The following CCDC102B variants were observed in gnomAD, a reference collection of about 807,000 sequenced individuals.
CCDC102B encodes the protein coiled-coil domain-containing protein 102B.
A neutral mutation model predicts 57.4 loss-of-function variants in CCDC102B; 75 were observed. The ratio of observed to expected loss-of-function variants is 1.31; its 90% confidence interval spans 1.08 to 1.58. The LOEUF (loss-of-function observed/expected upper bound fraction) is 1.58. Among genes scored for constraint, CCDC102B ranks in the 40% most tolerant of loss-of-function variants. CCDC102B has a pLI of 0.00. For synonymous variants in CCDC102B, 206 were observed against 201.9 expected, an observed-to-expected ratio of 1.02 and a Z score of -0.17; for missense variants, 636 against 582.6, an observed-to-expected ratio of 1.09 and a Z score of -0.94.
At chr18:68,865,575 A>G (rs1298877889) in intron 4 of CCDC102B, among the ~76,000 whole-genome samples, 1 of 152,174 alleles carries the variant, frequency 6.6e-6, no homozygotes, top group Non-Finnish European at 1.5e-5. Flanking sequence ...CTAAGGAAGT[A>G]CTTTGCAAGC....
intron 2 of CCDC102B, among the ~76,000 whole-genome samples, chr18:68,727,640 C>G (rs2032658333): frequency 1.3e-5 from 2 of 152,228 alleles, no homozygotes; most frequent in Non-Finnish European, 2.9e-5. Flanking sequence ...CAGGCCTAAC[C>G]TTTCTACCAG....
intron 2 of CCDC102B, among the ~76,000 whole-genome samples, chr18:68,728,979 A>T (rs28394413): frequency 2.2e-4 from 34 of 151,454 alleles, no homozygotes; most frequent in Admixed American, 6.6e-4. Context: ...GAGTAAATTT[A>T]AAAAAAAAGT....
intron 4 of CCDC102B, chr18:68,867,076 C>T (rs1212585206): frequency 5.0e-6 from 1 of 199,288 alleles, no homozygotes; most frequent in African/African-American, 2.4e-5. Context: ...TTAAGGTCAC[C>T]TATCCTCCCA....
intron 5 of CCDC102B, among the ~76,000 whole-genome samples, chr18:68,880,383 C>T (rs560817336): frequency 1.1e-4 from 16 of 152,328 alleles, no homozygotes; most frequent in Admixed American, 3.3e-4. Context: ...TCTCCCTCCA[C>T]ACCTCCCTGC....
At chr18:68,994,530 C>T (rs2050964616) in intron 6 of CCDC102B, among the ~76,000 whole-genome samples, 2 of 152,068 alleles carry the variant, frequency 1.3e-5, no homozygotes, top group South Asian at 2.1e-4. Context: ...CCCTCCTCCC[C>T]CGTGTAAAGG....
chr18:68,850,075 C>G (rs2038053627), intron 4 of CCDC102B, among the ~76,000 whole-genome samples: 1 of 152,046 alleles, frequency 6.6e-6, no homozygotes, highest in Admixed American at 6.6e-5. Context: ...TACATAATTG[C>G]AAGGCATGTT....
chr18:68,763,461 G>A (rs1488758642), intron 2 of CCDC102B, among the ~76,000 whole-genome samples: 2 of 152,078 alleles, frequency 1.3e-5, no homozygotes, highest in African/African-American at 4.8e-5. Context: ...TTGGCAGAAA[G>A]AGTCTTTGTA....
intron 7 of CCDC102B, among the ~76,000 whole-genome samples, chr18:69,039,581 T>C (rs2052379898): frequency 6.6e-6 from 1 of 151,952 alleles, no homozygotes; most frequent in African/African-American, 2.4e-5. Context: ...ATTAATTATA[T>C]GTGTCAGTTT....
intron 1 of CCDC102B, among the ~76,000 whole-genome samples, chr18:68,815,677 T>TACACACACACACACACACAC (rs10592850): frequency 1.9e-4 from 29 of 149,286 alleles, no homozygotes; most frequent in African/African-American, 6.5e-4. Context: ...TCCATTTACA[T>TACACACACACACACACACAC]ACACACACAC....
intron 2 of CCDC102B, among the ~76,000 whole-genome samples, chr18:68,790,091 G>C (rs1251567480): frequency 6.7e-6 from 1 of 148,796 alleles, no homozygotes; most frequent in Admixed American, 6.6e-5. Flanking sequence ...ACCCTGCCAT[G>C]TGAGGTGTCA....
intron 1 of CCDC102B, among the ~76,000 whole-genome samples, chr18:68,817,370 T>C (rs770291438): frequency 2.0e-5 from 3 of 152,222 alleles, no homozygotes; most frequent in Non-Finnish European, 4.4e-5. Flanking sequence ...ATAAACATAA[T>C]GAACAAAAGG....
At chr18:68,962,475 CATG>C (rs1390031871) in intron 6 of CCDC102B, among the ~76,000 whole-genome samples, 1 of 151,772 alleles carries the variant, frequency 6.6e-6, no homozygotes, top group Non-Finnish European at 1.5e-5. Context: ...ATTATTGTAC[CATG>C]ATTTTACATT....
chr18:68,762,766 C>A (rs918508333), intron 2 of CCDC102B, among the ~76,000 whole-genome samples: 13 of 152,096 alleles, frequency 8.5e-5, no homozygotes, highest in Non-Finnish European at 4.4e-5. Flanking sequence ...ACACTGTAAA[C>A]GTTACTGCCA....
chr18:68,854,143 C>T (rs2038273878), intron 4 of CCDC102B, among the ~76,000 whole-genome samples: 1 of 151,134 alleles, frequency 6.6e-6, no homozygotes, highest in African/African-American at 2.4e-5. Context: ...TCTTGTTGCC[C>T]AGGCTGGAGT....
At chr18:69,019,092 T>C (rs1388896206) in intron 7 of CCDC102B, among the ~76,000 whole-genome samples, 1 of 152,118 alleles carries the variant, frequency 6.6e-6, no homozygotes, top group Non-Finnish European at 1.5e-5. Flanking sequence ...ATATATGTGT[T>C]TGTTTTTATG....
intron 6 of CCDC102B, among the ~76,000 whole-genome samples, chr18:68,931,233 T>C (rs1310877625): frequency 1.3e-5 from 2 of 151,984 alleles, no homozygotes; most frequent in African/African-American, 4.8e-5. Context: ...ATTTGTCAAC[T>C]GCTGGATTCT....
chr18:69,005,455 A>C (rs1258172107), intron 6 of CCDC102B, among the ~76,000 whole-genome samples: 1 of 152,124 alleles, frequency 6.6e-6, no homozygotes, highest in African/African-American at 2.4e-5. Context: ...ATTTGAATGG[A>C]TAGAAATAAC....
intron 6 of CCDC102B, among the ~76,000 whole-genome samples, chr18:68,906,294 T>C (rs959143415): frequency 6.6e-6 from 1 of 151,774 alleles, no homozygotes; most frequent in African/African-American, 2.4e-5. Context: ...TGCATGCACA[T>C]GTATTATTTG....
intron 6 of CCDC102B, among the ~76,000 whole-genome samples, chr18:68,917,862 TA>T (rs1289305686): frequency 6.6e-6 from 1 of 152,168 alleles, no homozygotes; most frequent in East Asian, 1.9e-4. Context: ...CATAGCAATA[TA>T]AAAAGTTATT....
Sources: allele counts gnomAD v4.1 joint callset (sites outside exome capture counted in the v4.1 genomes callset), GRCh38; gene constraint gnomAD v4.1.1; transcripts MANE v1.5; gene names NCBI Gene and HGNC (gene_info 2026-07-23, HGNC 2026-07-21).